KL: variants seen among roughly 807,000 people sequenced by gnomAD.
KL encodes klotho.
KL carries 62 observed loss-of-function variants against 84.2 expected under a neutral mutation model. The observed-to-expected ratio is 0.74, with a 90% CI of 0.60 to 0.91. KL has a LOEUF of 0.91. Ranked by LOEUF, KL falls within the 40% of genes least tolerant of loss-of-function variation. KL has a pLI of 0.00. For missense variants in KL, 1,261 were observed against 1,305.7 expected, an observed-to-expected ratio of 0.97 and a Z score of 0.53; for synonymous variants, 528 against 528.0, an observed-to-expected ratio of 1.00 and a Z score of 0.00.
intron 3 of KL, among the ~76,000 whole-genome samples, chr13:33,057,796 C>T (rs560679758): frequency 5.8e-4 from 19 of 32,640 alleles, no homozygotes; most frequent in East Asian, 5.3e-3. Flanking sequence ...CCCTAACTGA[C>T]CTGACGTAGT....
At chr13:33,033,171 G>GA (rs1319442529) in intron 1 of KL, among the ~76,000 whole-genome samples, 1 of 152,008 alleles carries the variant, frequency 6.6e-6, no homozygotes, top group African/African-American at 2.4e-5. Flanking sequence ...TCTCATTTCC[G>GA]AAAAATGAAA....
intron 1 of KL, among the ~76,000 whole-genome samples, chr13:33,038,212 G>T (rs1003680725): frequency 6.6e-6 from 1 of 152,134 alleles, no homozygotes; most frequent in Non-Finnish European, 1.5e-5. Flanking sequence ...TCATATTCTG[G>T]CCCCATACTG....
intron 1 of KL, among the ~76,000 whole-genome samples, chr13:33,053,220 A>G (rs1871818758): frequency 6.6e-6 from 1 of 152,130 alleles, no homozygotes; most frequent in African/African-American, 2.4e-5. Flanking sequence ...TCTTTAATTT[A>G]TTGTACTGAT....
At chr13:33,043,961 T>G (rs1347229187) in intron 1 of KL, among the ~76,000 whole-genome samples, 1 of 144,566 alleles carries the variant, frequency 6.9e-6, no homozygotes, top group Non-Finnish European at 1.5e-5. Context: ...TCTTACATTT[T>G]GTTCTATAAG....
chr13:33,031,097 A>G (rs532294474), intron 1 of KL, among the ~76,000 whole-genome samples: 71 of 152,380 alleles, frequency 4.7e-4, no homozygotes, highest in African/African-American at 1.7e-3. Flanking sequence ...TTTTAACTTT[A>G]AAGAGCCGAC....
intron 1 of KL, among the ~76,000 whole-genome samples, chr13:33,048,289 A>G (rs145465671): frequency 2.2e-4 from 33 of 152,288 alleles, no homozygotes; most frequent in African/African-American, 7.9e-4. Context: ...AAGTTAAATT[A>G]CCAGATTTAC....
intron 3 of KL, among the ~76,000 whole-genome samples, chr13:33,058,881 G>A (rs983876326): frequency 8.5e-5 from 13 of 152,176 alleles, no homozygotes; most frequent in African/African-American, 3.1e-4. Flanking sequence ...AACATGATTT[G>A]TGGGGTGCAT....
chr13:33,032,990 A>T (rs1450575412), intron 1 of KL, among the ~76,000 whole-genome samples: 3 of 152,108 alleles, frequency 2.0e-5, no homozygotes, highest in Non-Finnish European at 4.4e-5. Flanking sequence ...TTTCAGACTT[A>T]TACTGTAATT....
At position 33,017,194 on chromosome 13, in the gene KL, C is replaced by T. The variant is rs930217368; in HGVS notation, c.754C>T (p.Arg252Cys). Reference sequence around the variant, plus strand: ...GGCCTGGCACGGCTACGCCACCGGGCGCCTGGCCCCCGGCATCCGGGGCAG... The same window carrying T: ...GGCCTGGCACGGCTACGCCACCGGGTGCCTGGCCCCCGGCATCCGGGGCAG... ...VVAWHGYATG[R>C]LAPGIRGSPR... Residue 252 changes from arginine (R) to cysteine (C), a missense_variant, in exon 1 of 5, where the codon CGC (arginine) becomes TGC (cysteine). Physicochemically the swap from Arg to Cys is radical, Grantham distance 180. Coordinates refer to ENST00000380099, the MANE Select transcript of KL (RefSeq NM_004795.4). 3 of 1,597,558 alleles carry T rather than the reference C, an allele frequency of 1.9e-6. No homozygotes were observed. Among genetic ancestry groups the T allele is most frequent in the Non-Finnish European group, 2.5e-6 (3 of 1,179,006 alleles).
At chr13:33,019,283 G>A (rs534403505) in intron 1 of KL, among the ~76,000 whole-genome samples, 1 of 151,856 alleles carries the variant, frequency 6.6e-6, no homozygotes, top group East Asian at 1.9e-4. Context: ...TGTTTTCAAT[G>A]ACCTTTCTCG....
intron 1 of KL, among the ~76,000 whole-genome samples, chr13:33,045,016 C>G (rs1871476031): frequency 6.6e-6 from 1 of 151,856 alleles, no homozygotes; most frequent in East Asian, 1.9e-4. Context: ...TTTTATTTGC[C>G]TTACTGCACT....
intron 1 of KL, among the ~76,000 whole-genome samples, chr13:33,030,173 C>CAT (rs1183743514): frequency 2.0e-5 from 3 of 152,144 alleles, no homozygotes; most frequent in Non-Finnish European, 4.4e-5. Context: ...ACAGAGACCT[C>CAT]ATTGCCTAAT....
Position 33,017,178 on chromosome 13 carries a change from C to T in KL, c.738C>T (p.His246=), listed in dbSNP as rs756551415. ...TIDNPYVVAW[H]GYATGRLAPG... ...ACAACCCCTACGTGGTGGCCTGGCA[C>T]GGCTACGCCACCGGGCGCCTGGCCC... The change falls in exon 1 of 5, where the codon CAC becomes CAT. Residue 246 remains histidine (H), a synonymous_variant. Coordinates refer to ENST00000380099, the MANE Select transcript of KL (RefSeq NM_004795.4). The T allele has an allele frequency of 1.1e-4, 170 of 1,599,472 alleles. No homozygotes were observed. Among genetic ancestry groups the T allele is most frequent in the Admixed American group, 9.7e-4 (58 of 59,944 alleles).
chr13:33,057,831 T>A (rs552609744), intron 3 of KL, among the ~76,000 whole-genome samples: 19 of 152,326 alleles, frequency 1.2e-4, no homozygotes, highest in African/African-American at 4.6e-4. Context: ...TGTATGTCAG[T>A]TCTGAGGTGT....
At chr13:33,019,728 TGTGTGAGA>T (rs1276663157) in intron 1 of KL, among the ~76,000 whole-genome samples, 4 of 111,028 alleles carry the variant, frequency 3.6e-5, no homozygotes, top group African/African-American at 1.3e-4. Context: ...TGTGTGTGTG[TGTGTGAGA>T]GAGAGAGAGA....
At chr13:33,049,669 G>T (rs569057749) in intron 1 of KL, among the ~76,000 whole-genome samples, 1 of 152,266 alleles carries the variant, frequency 6.6e-6, no homozygotes, top group South Asian at 2.1e-4. Flanking sequence ...ACTTCAAGTG[G>T]GGTTCAATGT....
At chr13:33,037,550 C>A (rs1413805682) in intron 1 of KL, among the ~76,000 whole-genome samples, 1 of 152,028 alleles carries the variant, frequency 6.6e-6, no homozygotes, top group Non-Finnish European at 1.5e-5. Flanking sequence ...GTATCCATGC[C>A]TTTTGTCATG....
At position 33,046,556 on chromosome 13, in the gene KL, G is replaced by T. The variant is rs183179336; in HGVS notation, c.820-7211G>T. On this transcript the variant is annotated intron_variant, in intron 1 of 4. Coordinates refer to ENST00000380099, the MANE Select transcript of KL (RefSeq NM_004795.4). Reference sequence around the variant, plus strand: ...TTTTCTCTAGTCAGTCTTGCTAAAGGTTGGTCTGTTTTGTTGATTTTTTTC... The same window carrying T: ...TTTTCTCTAGTCAGTCTTGCTAAAGTTTGGTCTGTTTTGTTGATTTTTTTC... Among the ~76,000 whole-genome samples the T allele has an allele frequency of 3.7e-4, 56 of 152,014 alleles. 1 individual carries two copies. Among genetic ancestry groups the T allele is most frequent in the Non-Finnish European group, 7.1e-4 (48 of 67,982 alleles).
rs1871916779 is a variant in KL, at chr13:33,055,306, C to T, written c.1590C>T (p.Asn530=). The change falls in exon 3 of 5, where the codon AAC becomes AAT. Residue 530 remains asparagine (N), a synonymous_variant. Transcript: ENST00000380099. ...PCDFAWGVVD[N]YIQVDTTLSQ... ...ACTTTGCTTGGGGAGTTGTTGACAACTACATTCAAGTAAGTCAGCTGACAA... is the reference window on the plus strand; with the variant it reads ...ACTTTGCTTGGGGAGTTGTTGACAATTACATTCAAGTAAGTCAGCTGACAA... 1 of 1,614,056 alleles carries T rather than the reference C, an allele frequency of 6.2e-7. No individual in the cohort carries two copies. The highest frequency in any genetic ancestry group is 8.5e-7 in the Non-Finnish European group (1 of 1,180,036).
Sources: allele counts gnomAD v4.1 joint callset (sites outside exome capture counted in the v4.1 genomes callset), GRCh38; gene constraint gnomAD v4.1.1; transcripts MANE v1.5; gene names NCBI Gene and HGNC (gene_info 2026-07-23, HGNC 2026-07-21).